The following DOCK4 variants were observed in gnomAD, a reference collection of about 807,000 sequenced individuals.
DOCK4 encodes the protein dedicator of cytokinesis protein 4.
In DOCK4, 97 loss-of-function variants were observed where a neutral mutation model predicts 268.1. The observed-to-expected ratio is 0.36, with a 90% CI of 0.31 to 0.43. DOCK4 has a LOEUF of 0.43. Among genes scored for constraint, DOCK4 ranks in the 20% least tolerant of loss-of-function variants. The probability of loss-of-function intolerance (pLI) is 1.00; values close to 1 mark genes in which losing one functional copy is unlikely to be tolerated. For missense variants in DOCK4, 2,145 were observed against 2,455.7 expected (o/e 0.87, Z 2.67); for synonymous variants, 954 against 887.2 (o/e 1.08, Z -1.34).
At chr7:111,766,903 G>C (rs548561582) in intron 38 of DOCK4, 129 bp downstream of exon 38, 4 of 652,874 alleles carry the variant, frequency 6.1e-6, no homozygotes. Context: ...AAATAGCTAA[G>C]TATGCTTCAG....
At chr7:111,984,917 G>A (rs2135183292) in intron 6 of DOCK4, among the ~76,000 whole-genome samples, 1 of 152,310 alleles carries the variant, frequency 6.6e-6, no homozygotes, top group Non-Finnish European at 1.5e-5. Flanking sequence ...CAGTCGTTAG[G>A]AGAAACTCAG....
chr7:111,761,648 G>A (rs1294671977), intron 39 of DOCK4, among the ~76,000 whole-genome samples: 1 of 152,144 alleles, frequency 6.6e-6, no homozygotes, highest in East Asian at 1.9e-4. Context: ...AGGCCACAGA[G>A]AGGGAGTGAG....
At chr7:111,987,349 C>T (rs755230810) in intron 6 of DOCK4, among the ~76,000 whole-genome samples, 3 of 152,150 alleles carry the variant, frequency 2.0e-5, no homozygotes, top group Non-Finnish European at 4.4e-5. Flanking sequence ...ATTTTCTTGC[C>T]TGATCTACAT....
chr7:111,741,310 T>C (rs1795901723), intron 46 of DOCK4, 96 bp from the exon 47 acceptor site: 1 of 1,511,612 alleles, frequency 6.6e-7, no homozygotes, highest in Non-Finnish European at 9.0e-7. Context: ...GGAAAATACA[T>C]TCCGTTTTGT....
chr7:112,082,684 T>C (rs529404366), intron 1 of DOCK4, among the ~76,000 whole-genome samples: 122 of 152,246 alleles, frequency 8.0e-4, no homozygotes, highest in Middle Eastern at 3.4e-3. Flanking sequence ...TCTCCTCAGA[T>C]TACATTACAC....
At chr7:111,945,631 G>T in intron 9 of DOCK4, 86 bp downstream of exon 9, 1 of 1,165,558 alleles carries the variant, frequency 8.6e-7, no homozygotes, top group Non-Finnish European at 1.2e-6. Flanking sequence ...AATTCACTAT[G>T]TTCTCTCACA....
intron 52 of DOCK4, 67 bp from the exon 53 acceptor site, chr7:111,728,787 T>C (rs894240365): frequency 6.9e-7 from 1 of 1,457,774 alleles, no homozygotes; most frequent in Admixed American, 2.2e-5. Flanking sequence ...TGCGCTGAAA[T>C]GTACGCCCCG....
chr7:111,756,986 G>A (rs1294857462), intron 41 of DOCK4, among the ~76,000 whole-genome samples: 4 of 152,078 alleles, frequency 2.6e-5, no homozygotes, highest in African/African-American at 9.7e-5. Flanking sequence ...TCTCAGAGGG[G>A]GTGACGCGTG....
chr7:111,751,757 A>ATTT (rs530562921), intron 42 of DOCK4, among the ~76,000 whole-genome samples: 1 of 149,002 alleles, frequency 6.7e-6, no homozygotes, highest in Non-Finnish European at 1.5e-5. Context: ...AAAATATATA[A>ATTT]TTTTTTTTTT....
chr7:112,171,920 C>T (rs1211803210), intron 1 of DOCK4, among the ~76,000 whole-genome samples: 8 of 152,188 alleles, frequency 5.3e-5, no homozygotes, highest in African/African-American at 1.4e-4. Context: ...TTGCAGATGG[C>T]TGTCCTCTTG....
chr7:111,945,262 T>C (rs566003184), intron 9 of DOCK4, among the ~76,000 whole-genome samples: 8 of 152,254 alleles, frequency 5.3e-5, no homozygotes, highest in Non-Finnish European at 1.0e-4. Context: ...CTCAGCTCAC[T>C]GCAACCTCTG....
chr7:111,739,434 G>A lies in DOCK4; in HGVS notation c.5084C>T (p.Ser1695Leu). The change falls in exon 48 of 53, where the codon TCA (serine) becomes TTA (leucine). Residue 1695 changes from serine (S) to leucine (L), a missense_variant. By Grantham distance (145) the Ser-to-Leu change is moderately radical. This residue lies in a region of DOCK4 where 547 missense variants were observed against 469.0 expected (regional missense o/e 1.17). Coordinates refer to ENST00000428084, the MANE Select transcript of DOCK4 (RefSeq NM_001363540.2). ...TSSLSSTHSASPNVTSSAPSS... is the reference protein window; with the variant it reads ...TSSLSSTHSALPNVTSSAPSS... ...TGGAGCAGAACTTGTCACATTAGGT[G>A]AAGCCGAGTGAGTAGAACTCAAGCT... 6.3e-7 allele frequency: 1 copy of A among 1,578,396 alleles called. No individual in the cohort carries two copies. The highest frequency in any genetic ancestry group is 8.6e-7 in the Non-Finnish European group (1 of 1,162,080).
intron 32 of DOCK4, chr7:111,788,412 T>G: frequency 2.2e-6 from 1 of 451,152 alleles, no homozygotes; most frequent in Non-Finnish European, 4.0e-6. Context: ...AAGAGGGAGA[T>G]TTGTTATGTA....
intron 8 of DOCK4, among the ~76,000 whole-genome samples, chr7:111,962,741 A>G (rs1797027416): frequency 6.6e-6 from 1 of 152,262 alleles, no homozygotes; most frequent in Admixed American, 6.5e-5. Flanking sequence ...TAGGCAATAC[A>G]AAATTTATAT....
At chr7:112,012,909 G>A (rs1801471648) in intron 1 of DOCK4, among the ~76,000 whole-genome samples, 1 of 151,846 alleles carries the variant, frequency 6.6e-6, no homozygotes, top group African/African-American at 2.4e-5. Context: ...AATTGAAGTG[G>A]GACATGCAAA....
intron 30 of DOCK4, among the ~76,000 whole-genome samples, chr7:111,803,645 A>G (rs1586033320): frequency 6.6e-6 from 1 of 152,204 alleles, no homozygotes; most frequent in East Asian, 1.9e-4. Flanking sequence ...GAAAGATAAA[A>G]GCCAACACTG....
At chr7:112,093,357 G>A (rs1809813409) in intron 1 of DOCK4, among the ~76,000 whole-genome samples, 1 of 152,026 alleles carries the variant, frequency 6.6e-6, no homozygotes, top group Non-Finnish European at 1.5e-5. Flanking sequence ...TATTATTTAA[G>A]CTAGTCTACA....
chr7:111,981,403 C>T (rs192598472), intron 7 of DOCK4, among the ~76,000 whole-genome samples: 1 of 152,152 alleles, frequency 6.6e-6, no homozygotes, highest in Non-Finnish European at 1.5e-5. Flanking sequence ...AAGAAACTGC[C>T]TTATGGAAGC....
At chr7:111,730,493 G>A (rs181940303) in intron 52 of DOCK4, among the ~76,000 whole-genome samples, 2 of 152,172 alleles carry the variant, frequency 1.3e-5, no homozygotes, top group African/African-American at 2.4e-5. Context: ...CTGTCATTTA[G>A]TAGGAGCCTA....
Sources: allele counts gnomAD v4.1 joint callset (sites outside exome capture counted in the v4.1 genomes callset), GRCh38; gene constraint gnomAD v4.1.1; regional missense constraint gnomAD v4.1.1; transcripts MANE v1.5; gene names NCBI Gene and HGNC (gene_info 2026-07-23, HGNC 2026-07-21).